The following NALF1 variants were observed in gnomAD, a reference collection of about 807,000 sequenced individuals.
NALF1 encodes NALCN channel auxiliary factor 1.
In NALF1, 3 loss-of-function variants were observed where a neutral mutation model predicts 48.4. The observed-to-expected ratio is 0.06, with a 90% confidence interval of 0.03 to 0.16. The LOEUF is 0.16. Ranked by LOEUF, NALF1 falls within the 10% of genes least tolerant of loss-of-function variation. The pLI is 1.00. For missense variants in NALF1, 526 were observed against 571.5 expected, an observed-to-expected ratio of 0.92 and a Z score of 0.81; for synonymous variants, 262 against 245.7, an observed-to-expected ratio of 1.07 and a Z score of -0.62.
At chr13:107,704,682 C>T (rs1566450316) in intron 1 of NALF1, among the ~76,000 whole-genome samples, 1 of 152,166 alleles carries the variant, frequency 6.6e-6, no homozygotes, top group Admixed American at 6.5e-5. Flanking sequence ...TTGGAACTAT[C>T]TGCATGGCTA....
At chr13:107,812,079 C>T (rs894602060) in intron 1 of NALF1, among the ~76,000 whole-genome samples, 1 of 152,080 alleles carries the variant, frequency 6.6e-6, no homozygotes, top group African/African-American at 2.4e-5. Context: ...GGGTTTAATA[C>T]TTAAACAGAA....
Position 107,252,961 on chromosome 13 carries a change from G to A in NALF1, c.916-42206C>T, listed in dbSNP as rs548654767. 3.9e-5 allele frequency among the ~76,000 whole-genome samples: 6 copies of A among 152,062 alleles called. No homozygotes were observed. The South Asian group carries it at 6.2e-4, about 16-fold the overall frequency. On this transcript the variant is annotated intron_variant, in intron 1 of 2. Transcript: ENST00000375915. The stretch of plus-strand genomic sequence containing the variant: ...ATTATAATGTACAATTTCATACTTC[G>A]TTGTCCTTGTCAAACTTAATAGATT...
At chr13:107,578,042 T>C (rs1878202880) in intron 1 of NALF1, among the ~76,000 whole-genome samples, 1 of 152,168 alleles carries the variant, frequency 6.6e-6, no homozygotes, top group South Asian at 2.1e-4. Flanking sequence ...CCTGAAATTC[T>C]ACAGGTCTAA....
Position 107,814,685 on chromosome 13 carries a change from GA to G in NALF1, c.915+50996del, listed in dbSNP as rs554025300. On this transcript the variant is annotated intron_variant, in intron 1 of 2. Transcript: ENST00000375915. ...AACAGAGCCTTCAAATACATGAATCGAAAACGGAAAGAATTGAAAAAAGGAA... is the reference window on the plus strand; with the variant it reads ...AACAGAGCCTTCAAATACATGAATCGAAACGGAAAGAATTGAAAAAAGGAA... Among the ~76,000 whole-genome samples, 59 of 152,030 alleles carry G rather than the reference GA, an allele frequency of 3.9e-4. 1 individual carries two copies. The highest frequency in any genetic ancestry group is 1.4e-3 in the African/African-American group (56 of 41,478).
chr13:107,606,231 T>A (rs1879063089), intron 1 of NALF1, among the ~76,000 whole-genome samples: 1 of 152,098 alleles, frequency 6.6e-6, no homozygotes, highest in Admixed American at 6.6e-5. Context: ...TAAGGAAACA[T>A]GCTCAATCTT....
At chr13:107,459,729 T>A (rs1444457644) in intron 1 of NALF1, among the ~76,000 whole-genome samples, 1 of 152,096 alleles carries the variant, frequency 6.6e-6, no homozygotes. Flanking sequence ...ATTCTTGTCA[T>A]GCTTCTTATT....
chr13:107,417,754 T>G (rs1884115563), intron 1 of NALF1, among the ~76,000 whole-genome samples: 1 of 152,164 alleles, frequency 6.6e-6, no homozygotes, highest in African/African-American at 2.4e-5. Context: ...TTTCCTTCTT[T>G]ATTATATTCA....
intron 1 of NALF1, among the ~76,000 whole-genome samples, chr13:107,219,259 G>A (rs1384462504): frequency 1.3e-5 from 2 of 152,166 alleles, no homozygotes; most frequent in South Asian, 2.1e-4. Flanking sequence ...TGCCTTAGAA[G>A]TGCAGAGTAT....
chr13:107,866,899 GGAGAGAGAGA>G lies in NALF1; in HGVS notation c.-313_-304del, dbSNP rs35939139. On this transcript the variant is annotated 5_prime_UTR_variant, in exon 1 of 3. Transcript: ENST00000375915. The surrounding 1 kb of genome is among the most constrained non-coding windows in gnomAD (Gnocchi z 4.4). ...CCTCTGTAGAGTGGGAAACAATAAT[GGAGAGAGAGA>G]GAGAGAGAGAGACGGAGGAGGCTGG... is the stretch of plus-strand genomic sequence containing the variant. Among the ~76,000 whole-genome samples the G allele has an allele frequency of 6.7e-6, 1 of 149,824 alleles. No individual in the cohort carries two copies. Among genetic ancestry groups the G allele is most frequent in the African/African-American group, 2.5e-5 (1 of 40,720 alleles).
chr13:107,562,648 T>A (rs931130180), intron 1 of NALF1, among the ~76,000 whole-genome samples: 2 of 152,230 alleles, frequency 1.3e-5, no homozygotes, highest in Admixed American at 1.3e-4. Context: ...CTGACAAATG[T>A]GAACTTCAAA....
intron 1 of NALF1, among the ~76,000 whole-genome samples, chr13:107,810,509 T>C (rs981248616): frequency 6.6e-6 from 1 of 152,132 alleles, no homozygotes; most frequent in East Asian, 1.9e-4. Flanking sequence ...TTGATCTCCT[T>C]AATTAATTTG....
chr13:107,324,763 T>C (rs1048236850), intron 1 of NALF1, among the ~76,000 whole-genome samples: 6 of 152,220 alleles, frequency 3.9e-5, no homozygotes, highest in African/African-American at 1.4e-4. Flanking sequence ...CAATAGTTTT[T>C]ATTACTTGTA....
At chr13:107,379,986 C>A (rs1883402954) in intron 1 of NALF1, among the ~76,000 whole-genome samples, 3 of 152,158 alleles carry the variant, frequency 2.0e-5, no homozygotes, top group African/African-American at 2.4e-5. Flanking sequence ...ACAGGCTTAA[C>A]TGGTAATTTA....
chr13:107,260,051 G>A (rs1880899818), intron 1 of NALF1, among the ~76,000 whole-genome samples: 1 of 152,196 alleles, frequency 6.6e-6, no homozygotes, highest in African/African-American at 2.4e-5. Flanking sequence ...AAGAGACATG[G>A]AAAGTTTAAT....
intron 1 of NALF1, among the ~76,000 whole-genome samples, chr13:107,652,253 T>A (rs1477911974): frequency 6.6e-6 from 1 of 152,152 alleles, no homozygotes; most frequent in East Asian, 1.9e-4. Context: ...TGATTCTGAG[T>A]TGTGTGCAAT....
intron 1 of NALF1, among the ~76,000 whole-genome samples, chr13:107,728,045 G>C (rs905125607): frequency 3.9e-5 from 6 of 152,200 alleles, no homozygotes; most frequent in Non-Finnish European, 5.9e-5. Flanking sequence ...ACAGATGCTG[G>C]AGAGGATGTG....
intron 1 of NALF1, among the ~76,000 whole-genome samples, chr13:107,723,304 G>A (rs1253231918): frequency 6.6e-6 from 1 of 152,086 alleles, no homozygotes; most frequent in African/African-American, 2.4e-5. Context: ...TCTATTTTTA[G>A]AAGTTTGACC....
At chr13:107,633,969 A>T (rs117377861) in intron 1 of NALF1, among the ~76,000 whole-genome samples, 17,580 of 137,048 alleles carry the variant, frequency 0.13, 1,519 homozygotes, top group Admixed American at 0.24. Flanking sequence ...ATACATACAT[A>T]CATCCTGTTT....
intron 1 of NALF1, among the ~76,000 whole-genome samples, chr13:107,671,148 A>G (rs1275161887): frequency 6.6e-6 from 1 of 152,186 alleles, no homozygotes; most frequent in Non-Finnish European, 1.5e-5. Context: ...AAAACAATGA[A>G]TAATAAGTAC....
Sources: gnomAD v4.1 joint callset for allele counts (sites outside exome capture counted in the v4.1 genomes callset) on GRCh38, gnomAD v4.1.1 for gene constraint, Gnocchi (gnomAD v3.1) non-coding constraint, MANE v1.5 for transcripts, NCBI Gene and HGNC (gene_info 2026-07-23, HGNC 2026-07-21) for gene names.